SH2D1A: variants seen among roughly 807,000 people sequenced by gnomAD.
SH2D1A encodes SH2 domain containing 1A, also known as SH2 domain-containing protein 1A.
A neutral mutation model predicts 10.1 loss-of-function variants in SH2D1A; 6 were observed. The ratio of observed to expected loss-of-function variants is 0.60; its 90% confidence interval spans 0.33 to 1.18. The LOEUF (loss-of-function observed/expected upper bound fraction) is 1.18. Among genes scored for constraint, SH2D1A ranks in the 50% most tolerant of loss-of-function variants. SH2D1A has a pLI of 0.04. For synonymous variants in SH2D1A, 42 were observed against 36.9 expected, an observed-to-expected ratio of 1.14 and a Z score of -0.51; for missense variants, 51 against 97.6, an observed-to-expected ratio of 0.52 and a Z score of 2.01.
chrX:124,365,832 T>C lies in SH2D1A; in HGVS notation c.201+8T>C. 8.9e-7 allele frequency: 1 copy of C among 1,125,288 alleles called. No homozygotes were observed. Among genetic ancestry groups the C allele is most frequent in the Non-Finnish European group, 1.2e-6 (1 of 816,766 alleles). 92.7% of individuals were successfully genotyped at this position (1,125,288 alleles called of 1,213,427 possible). A position where few individuals can be genotyped will look rare whatever the true frequency, so the allele number is the denominator to read the frequency against. On this transcript the variant is annotated splice_region_variant and intron_variant, in intron 2 of 3. Transcript: ENST00000371139. The stretch of plus-strand genomic sequence containing the variant: ...GGTTCTTGGAGTGCTGAGGTATAGT[T>C]GTATTTATTTTTGCTTCTGGGGGTG...
Position 124,371,434 on chromosome X carries a change from T to C in SH2D1A, c.*43T>C. The C allele has an allele frequency of 2.3e-6, 2 of 885,489 alleles. No individual in the cohort carries two copies. The highest frequency in any genetic ancestry group is 2.3e-5 in the Admixed American group (1 of 43,169). 73.0% of individuals were successfully genotyped at this position (885,489 alleles called of 1,213,427 possible). A position where few individuals can be genotyped will look rare whatever the true frequency, so the allele number is the denominator to read the frequency against. ...TGTACTTTATTTTCTATAATTTAAATATATGCTAAGTCTTATATATTGTAG... is the reference window on the plus strand; with the variant it reads ...TGTACTTTATTTTCTATAATTTAAACATATGCTAAGTCTTATATATTGTAG... On this transcript the variant is annotated 3_prime_UTR_variant, in exon 4 of 4. Transcript: ENST00000371139.
intron 1 of SH2D1A, among the ~76,000 whole-genome samples, chrX:124,350,507 TA>T (rs1485062636): frequency 9.0e-4 from 28 of 31,032 alleles, no homozygotes; most frequent in African/African-American, 4.0e-3. Context: ...ATATAATATA[TA>T]AATATATATT....
At chrX:124,364,062 C>T (rs994655823) in intron 1 of SH2D1A, among the ~76,000 whole-genome samples, 10 of 110,276 alleles carry the variant, frequency 9.1e-5, no homozygotes, top group African/African-American at 3.0e-4. Flanking sequence ...TCTACTCCTA[C>T]TTATATAAAA....
intron 1 of SH2D1A, chrX:124,353,284 G>A (rs1250196784): frequency 8.6e-6 from 1 of 115,780 alleles, no homozygotes; most frequent in Non-Finnish European, 1.8e-5. Context: ...CATCAATCAA[G>A]TTTTATAGTT....
intron 1 of SH2D1A, among the ~76,000 whole-genome samples, chrX:124,348,246 C>T (rs1382727185): frequency 9.0e-6 from 1 of 111,306 alleles, no homozygotes; most frequent in Admixed American, 9.6e-5. Flanking sequence ...GCAATGAAAA[C>T]CAGCTAGGAT....
rs1008166375 is a variant in SH2D1A at position 124,372,832 on chromosome X, A to C, written c.*1441A>C. 2 of 161,852 alleles carry C rather than the reference A, an allele frequency of 1.2e-5. No individual in the cohort carries two copies. Among genetic ancestry groups the C allele is most frequent in the African/African-American group, 6.0e-5 (2 of 33,208 alleles). The allele number at this position is 161,852 out of a possible 1,213,427, so 13.3% of individuals were successfully genotyped here. On this transcript the variant is annotated 3_prime_UTR_variant, in exon 4 of 4. Coordinates refer to ENST00000371139, the MANE Select transcript of SH2D1A (RefSeq NM_002351.5). The stretch of plus-strand genomic sequence containing the variant: ...TTTAATATGGATGCCGTGGGAGTAC[A>C]AAAGTGGAGTGTGGCCTGAGTAATG...
intron 1 of SH2D1A, among the ~76,000 whole-genome samples, chrX:124,355,934 A>G (rs181415540): frequency 9.1e-6 from 1 of 109,861 alleles, no homozygotes; most frequent in Admixed American, 9.7e-5. Context: ...TTAATACTTT[A>G]AGTTCTAGGG....
At chrX:124,365,691 T>C (rs1166681648) in intron 1 of SH2D1A, 70 bp from the exon 2 acceptor site, 3 of 702,958 alleles carry the variant, frequency 4.3e-6, no homozygotes, top group Admixed American at 2.2e-5. Context: ...ATATGTAATA[T>C]TAAGCTCAAA....
intron 1 of SH2D1A, among the ~76,000 whole-genome samples, chrX:124,361,485 G>A (rs1345145612): frequency 8.9e-6 from 1 of 111,978 alleles, no homozygotes; most frequent in Non-Finnish European, 1.9e-5. Flanking sequence ...ACCTAAAAAT[G>A]TGGAAGTGGC....
chrX:124,346,648 C>T lies in SH2D1A; in HGVS notation c.6C>T (p.Asp2=), dbSNP rs1298636213. 8.3e-7 allele frequency: 1 copy of T among 1,211,768 alleles called. No homozygotes were observed. The highest frequency in any genetic ancestry group is 2.2e-5 in the Admixed American group (1 of 46,125). The change falls in exon 1 of 4, where the codon GAC becomes GAT. Residue 2 remains aspartate, a synonymous_variant. Transcript: ENST00000371139. M[D]AVAVYHGKIS... is the part of the protein sequence containing the mutation. ...GCCCAAGAGTCCACCAGGCCATGGA[C>T]GCAGTGGCTGTGTATCATGGCAAAA...
chrX:124,350,993 A>ATATAAGATATAATATATTATATATAT (rs1569527266), intron 1 of SH2D1A, among the ~76,000 whole-genome samples: 6 of 78,711 alleles, frequency 7.6e-5, no homozygotes, highest in African/African-American at 2.5e-4. Context: ...TATTATATAT[A>ATATAAGATATAATATATTATATATAT]TATTATAAAT....
chrX:124,372,998 T>C lies in SH2D1A; in HGVS notation c.*1607T>C. On this transcript the variant is annotated 3_prime_UTR_variant, in exon 4 of 4. Coordinates refer to ENST00000371139, the MANE Select transcript of SH2D1A (RefSeq NM_002351.5). Reference sequence around the variant, plus strand: ...GCTTGAGTTTAAATTGTAATAGGCGTAACTAATTTTAACTCTATAATGTGT... The same window carrying C: ...GCTTGAGTTTAAATTGTAATAGGCGCAACTAATTTTAACTCTATAATGTGT... 1 of 157,012 alleles carries C rather than the reference T, an allele frequency of 6.4e-6. No homozygotes were observed. The highest frequency in any genetic ancestry group is 1.2e-5 in the Non-Finnish European group (1 of 80,007). The allele number at this position is 157,012 out of a possible 1,213,427, so 12.9% of individuals were successfully genotyped here. A position where few individuals can be genotyped will look rare whatever the true frequency, so the allele number is the denominator to read the frequency against.
intron 1 of SH2D1A, among the ~76,000 whole-genome samples, chrX:124,349,662 T>C (rs2060002806): frequency 9.0e-6 from 1 of 111,166 alleles, no homozygotes; most frequent in Admixed American, 9.6e-5. Flanking sequence ...CTTTAAACTG[T>C]ACTTTCAAAC....
chrX:124,348,198 T>A (rs1477906458), intron 1 of SH2D1A, among the ~76,000 whole-genome samples: 2 of 111,783 alleles, frequency 1.8e-5, no homozygotes, highest in African/African-American at 6.5e-5. Context: ...TATGTTTTGC[T>A]TATATAATTA....
Position 124,370,882 on chromosome X carries a change from T to C in SH2D1A, c.347-469T>C, listed in dbSNP as rs149474540. ...CATATCCTGAGCAAACCTATTTTAG[T>C]GTATGTGTCGTGCTAAAGACTGAAT... On this transcript the variant is annotated intron_variant, in intron 3 of 3. Transcript: ENST00000371139. Among the ~76,000 whole-genome samples the C allele has an allele frequency of 1.9e-3, 218 of 112,213 alleles. 1 individual carries two copies. Among genetic ancestry groups the C allele is most frequent in the African/African-American group, 6.7e-3 (208 of 30,974 alleles).
intron 1 of SH2D1A, among the ~76,000 whole-genome samples, chrX:124,355,242 C>T (rs190702083): frequency 8.9e-6 from 1 of 111,794 alleles, no homozygotes; most frequent in East Asian, 2.8e-4. Context: ...AAACCAGGAT[C>T]TGTCCCCAAC....
At chrX:124,354,841 C>T (rs967107000) in intron 1 of SH2D1A, among the ~76,000 whole-genome samples, 4 of 112,069 alleles carry the variant, frequency 3.6e-5, no homozygotes, top group Non-Finnish European at 7.5e-5. Context: ...TATTTATTTT[C>T]ATGACTCATC....
chrX:124,364,934 ATTCT>A (rs2147530734), intron 1 of SH2D1A, among the ~76,000 whole-genome samples: 1 of 110,878 alleles, frequency 9.0e-6, no homozygotes, highest in Admixed American at 9.7e-5. Flanking sequence ...CAGGTATAGC[ATTCT>A]TTATCTTTTA....
intron 1 of SH2D1A, among the ~76,000 whole-genome samples, 183 bp from the exon 2 acceptor site, chrX:124,365,576 CTG>C (rs767206790): frequency 1.4e-4 from 16 of 111,306 alleles, no homozygotes. Flanking sequence ...TCACTGGAAA[CTG>C]TGGTTGGGCA....
Sources: gnomAD v4.1 joint callset for allele counts (sites outside exome capture counted in the v4.1 genomes callset) on GRCh38, gnomAD v4.1.1 for gene constraint, MANE v1.5 for transcripts, NCBI Gene and HGNC (gene_info 2026-07-23, HGNC 2026-07-21) for gene names.